Variants in ZNF177 observed in about 807,000 individuals in gnomAD.
The protein encoded by ZNF177 is zinc finger protein 177.
In ZNF177, 17 loss-of-function variants were observed where a neutral mutation model predicts 19.4. The observed-to-expected ratio is 0.87, with a 90% CI of 0.60 to 1.31. The LOEUF (loss-of-function observed/expected upper bound fraction) is 1.31. ZNF177 is among the 40% of genes most tolerant of loss of function. The pLI is 0.00. For missense variants in ZNF177, 633 were observed against 561.8 expected (o/e 1.13, Z -1.28); for synonymous variants, 220 against 188.7 (o/e 1.17, Z -1.36).
chr19:9,367,397 A>G (rs2067994812), intron 2 of ZNF177, among the ~76,000 whole-genome samples: 1 of 152,200 alleles, frequency 6.6e-6, no homozygotes, highest in African/African-American at 2.4e-5. Context: ...TTTATTTTTG[A>G]AATCATTATG....
exon 1 of ZNF177, chr19:9,363,073 G>A (rs568418152): frequency 2.0e-5 from 3 of 152,588 alleles, no homozygotes; most frequent in East Asian, 1.9e-4. Context: ...TGTCCCAGCA[G>A]GCCAGGTCCA....
upstream of ZNF177, chr19:9,371,693 G>T (rs1017392045): frequency 6.6e-6 from 1 of 152,106 alleles, no homozygotes; most frequent in African/African-American, 2.4e-5. Flanking sequence ...AATGAAATTA[G>T]ATGTGGATTT....
intron 5 of ZNF177, among the ~76,000 whole-genome samples, chr19:9,380,374 G>A (rs985285290): frequency 4.6e-5 from 7 of 151,452 alleles, no homozygotes; most frequent in African/African-American, 1.7e-4. Context: ...ATGTAAATAT[G>A]ATTTTAGAGT....
At chr19:9,365,129 C>A (rs1037374232) in intron 2 of ZNF177, among the ~76,000 whole-genome samples, 181 bp downstream of exon 2, 8 of 152,086 alleles carry the variant, frequency 5.3e-5, no homozygotes, top group African/African-American at 1.9e-4. Flanking sequence ...AGGGGAATTC[C>A]AGTGGGTCTT....
chr19:9,372,592 G>T (rs1420875129), upstream of ZNF177, among the ~76,000 whole-genome samples: 1 of 136,462 alleles, frequency 7.3e-6, no homozygotes, highest in East Asian at 2.1e-4. Context: ...TGTCTCCCAG[G>T]CTGAGGTGCA....
exon 6 of ZNF177, chr19:9,381,856 T>C: frequency 1.3e-6 from 2 of 1,512,950 alleles, no homozygotes; most frequent in East Asian, 2.3e-5. Flanking sequence ...AGCCCTGTTA[T>C]GGTCACCTGG....
At chr19:9,378,089 G>A (rs751904226) in intron 1 of ZNF177, among the ~76,000 whole-genome samples, 170 bp from the exon 4 acceptor site, 8 of 152,142 alleles carry the variant, frequency 5.3e-5, no homozygotes, top group Admixed American at 5.2e-4. Flanking sequence ...AATGAAAAAT[G>A]CATACTATAT....
chr19:9,381,439 TG>T lies in ZNF177; in HGVS notation c.1109del (p.Cys370SerfsTer70). On this transcript the variant is annotated frameshift_variant, in exon 6 of 6. Transcript: ENST00000589262. LOFTEE classifies it low-confidence loss of function (END_TRUNC). ...CCACACTGGAGAGAAACCCTATGAA[TG>T]CAGTGACTGTGGAAAAGCCTTCATC... The T allele has an allele frequency of 6.2e-7, 1 of 1,611,560 alleles. No homozygotes were observed.
exon 3 of ZNF177, chr19:9,379,063 G>T: frequency 1.2e-6 from 2 of 1,609,138 alleles, no homozygotes; most frequent in Non-Finnish European, 1.7e-6. Context: ...TGATGCTGGA[G>T]AACTTTAGGA....
intron 5 of ZNF177, 52 bp downstream of exon 7, chr19:9,380,191 CTGAA>C (rs778472146): frequency 6.5e-7 from 1 of 1,549,918 alleles, no homozygotes; most frequent in Non-Finnish European, 8.7e-7. Context: ...GTCTGGGAAT[CTGAA>C]TGAGTTAAAA....
chr19:9,380,516 G>A (rs531149215), intron 5 of ZNF177, 152 bp from the exon 8 acceptor site: 15 of 1,477,808 alleles, frequency 1.0e-5, no homozygotes, highest in Admixed American at 2.1e-5. Context: ...AAGCTAATAG[G>A]GCAAAAGTCA....
rs2068182467 is a variant in ZNF177, at chr19:9,380,656, C to T, written c.337-12C>T. ...AAAAGCCTCTAGTCACCACTTACTC[C>T]CTTTTCAACAGGCAGAAAATCAACC... On this transcript the variant is annotated splice_polypyrimidine_tract_variant and intron_variant, in intron 5 of 5. Coordinates refer to ENST00000589262, the Ensembl canonical transcript of ZNF177. 6.5e-7 allele frequency: 1 copy of T among 1,535,596 alleles called. No homozygotes were observed. The highest frequency in any genetic ancestry group is 8.7e-7 in the Non-Finnish European group (1 of 1,146,776).
chr19:9,382,416 A>G (rs1366312755), downstream of ZNF177: 4 of 398,650 alleles, frequency 1.0e-5, no homozygotes, highest in African/African-American at 2.1e-5. Context: ...GGACAGAGAA[A>G]GGATACTAAA....
chr19:9,380,761 G>T lies in ZNF177; in HGVS notation c.430G>T (p.Gly144Ter). The T allele has an allele frequency of 6.5e-7, 1 of 1,536,020 alleles. No individual in the cohort carries two copies. The highest frequency in any genetic ancestry group is 8.7e-7 in the Non-Finnish European group (1 of 1,146,886). The change falls in exon 6 of 6, where the codon GGA becomes TGA. Residue 144 changes from glycine to a stop codon, truncating the protein, a stop_gained. Coordinates refer to ENST00000589262, the Ensembl canonical transcript of ZNF177. LOFTEE classifies it low-confidence loss of function (END_TRUNC). ...CTTTATTTGTACAAGATATTGCAAG[G>T]GAGAGAAATGCTATAAATATATAAA...
chr19:9,381,225 C>G (rs780365288), exon 6 of ZNF177: 1 of 1,614,098 alleles, frequency 6.2e-7, no homozygotes, highest in South Asian at 1.1e-5. Context: ...TTCAGTCTTC[C>G]CTTAAGAAAC....
chr19:9,378,398 C>G (rs1349168707), intron 2 of ZNF177, 54 bp downstream of exon 4: 3 of 1,609,672 alleles, frequency 1.9e-6, no homozygotes, highest in Non-Finnish European at 2.5e-6. Flanking sequence ...CTGAAAAGAA[C>G]ACATCTCTTG....
chr19:9,380,566 C>G (rs1357001369), intron 5 of ZNF177, 102 bp from the exon 8 acceptor site: 4 of 1,534,074 alleles, frequency 2.6e-6, no homozygotes, highest in African/African-American at 1.4e-5. Flanking sequence ...CAGTCATGAT[C>G]ATGTGCTTCC....
intron 2 of ZNF177, among the ~76,000 whole-genome samples, chr19:9,365,662 C>G (rs2067968751): frequency 6.6e-6 from 1 of 152,028 alleles, no homozygotes; most frequent in African/African-American, 2.4e-5. Flanking sequence ...GATTAAACAC[C>G]AAGGGAAGAC....
At chr19:9,379,396 T>TG (rs2068156911) in intron 3 of ZNF177, 131 bp from the exon 6 acceptor site, 1 of 1,300,474 alleles carries the variant, frequency 7.7e-7, no homozygotes. Context: ...GCTCTGATTG[T>TG]TTTGTTGTTC....
Sources: gnomAD v4.1 joint callset for allele counts (sites outside exome capture counted in the v4.1 genomes callset) on GRCh38, gnomAD v4.1.1 for gene constraint, MANE v1.5 for transcripts, NCBI Gene and HGNC (gene_info 2026-07-23, HGNC 2026-07-21) for gene names.